KMT2A: variants seen among roughly 807,000 people sequenced by gnomAD.
The protein encoded by KMT2A is lysine methyltransferase 2A.
In KMT2A, 16 loss-of-function variants were observed where a neutral mutation model predicts 345.3. The ratio of observed to expected loss-of-function variants is 0.05; its 90% CI spans 0.03 to 0.07. KMT2A has a LOEUF of 0.07. Ranked by LOEUF, KMT2A falls within the 10% of genes least tolerant of loss-of-function variation. KMT2A has a pLI of 1.00. For missense variants in KMT2A, 3,272 were observed against 4,841.6 expected (o/e 0.68, Z 9.62); for synonymous variants, 1,599 against 1,778.6 (o/e 0.90, Z 2.54).
At position 118,498,622 on chromosome 11, in the gene KMT2A, T is replaced by C. The variant is rs1467867390; in HGVS notation, c.5961+94T>C. The C allele has an allele frequency of 7.9e-7, 1 of 1,268,404 alleles. No individual in the cohort carries two copies. The highest frequency in any genetic ancestry group is 1.5e-5 in the African/African-American group (1 of 66,872). 78.6% of individuals were successfully genotyped at this position (1,268,404 alleles called of 1,614,324 possible). On this transcript the variant is annotated intron_variant, in intron 22 of 35. Transcript: ENST00000534358. This position sits in a 1 kb window ranked among gnomAD's most constrained non-coding sequence, Gnocchi z 4.4. ...AAAATTGACTGGAAGGTACAGAGAT[T>C]TCCCATATGCCCCCTGCACCCACAT...
chr11:118,477,463 T>C lies in KMT2A; in HGVS notation c.3334+481T>C, dbSNP rs1445245732. Among the ~76,000 whole-genome samples, 4 of 150,132 alleles carry C rather than the reference T, an allele frequency of 2.7e-5. 1 individual carries two copies. Among genetic ancestry groups the C allele is most frequent in the African/African-American group, 9.8e-5 (4 of 40,892 alleles). On this transcript the variant is annotated intron_variant, in intron 4 of 35. Coordinates refer to ENST00000534358, the MANE Select transcript of KMT2A (RefSeq NM_001197104.2). ...AGATTAGACTTTTGTTTTCAGTATT[T>C]GGAATTTTGCTTTCATCAAGATGCA...
Position 118,503,613 on chromosome 11 carries a change from C to T in KMT2A, c.7721C>T (p.Ala2574Val), listed in dbSNP as rs2134393938. Residue 2574 changes from alanine to valine, a missense_variant, in exon 27 of 36, where the codon GCC (alanine) becomes GTC (valine). Coordinates refer to ENST00000534358, the MANE Select transcript of KMT2A (RefSeq NM_001197104.2). The surrounding 1 kb of genome is among the most constrained non-coding windows in gnomAD (Gnocchi z 5.3). ...ASENPGDGPV[A>V]QPSPNNTSCQ... ...GAAAATCCAGGAGATGGTCCAGTGG[C>T]CCAACCAAGCCCCAATAATACCTCA... is the stretch of plus-strand genomic sequence containing the variant. 6.2e-7 allele frequency: 1 copy of T among 1,614,166 alleles called. No individual in the cohort carries two copies. Among genetic ancestry groups the T allele is most frequent in the Non-Finnish European group, 8.5e-7 (1 of 1,180,016 alleles).
At chr11:118,467,550 G>A (rs1278707007) in intron 1 of KMT2A, among the ~76,000 whole-genome samples, 1 of 152,124 alleles carries the variant, frequency 6.6e-6, no homozygotes, top group African/African-American at 2.4e-5. Context: ...GGCCTTAAAT[G>A]TTTTGCTCCT....
chr11:118,438,676 G>T (rs1353346662), intron 1 of KMT2A, among the ~76,000 whole-genome samples: 1 of 152,174 alleles, frequency 6.6e-6, no homozygotes, highest in Non-Finnish European at 1.5e-5. Context: ...ATCCTGGGAA[G>T]AAGGGGAGGG....
chr11:118,457,935 G>A (rs1243782188), intron 1 of KMT2A, among the ~76,000 whole-genome samples: 1 of 152,004 alleles, frequency 6.6e-6, no homozygotes, highest in Non-Finnish European at 1.5e-5. Context: ...GACAGAAGCT[G>A]TCCTTTATCT....
At chr11:118,443,958 A>T (rs1216260252) in intron 1 of KMT2A, among the ~76,000 whole-genome samples, 1 of 152,190 alleles carries the variant, frequency 6.6e-6, no homozygotes, top group East Asian at 1.9e-4. Flanking sequence ...AAAGATATGA[A>T]TCTTTCTAAC....
In KMT2A at chr11:118,466,838, C is replaced by A. The variant is rs782551459; in HGVS notation, c.433-1937C>A. ...AAAACAAAACAAAAACAACAAAAAA[C>A]CAACAAAAAAAGAACTTACGTGTAA... On this transcript the variant is annotated intron_variant, in intron 1 of 35. Transcript: ENST00000534358. 6.6e-5 allele frequency among the ~76,000 whole-genome samples: 10 copies of A among 151,530 alleles called. 1 individual carries two copies. Among genetic ancestry groups the A allele is most frequent in the South Asian group, 4.2e-4 (2 of 4,806 alleles).
chr11:118,525,105 A>G lies in KMT2A; in HGVS notation c.*2933A>G, dbSNP rs1405098795. ...TTCCCTACAAGAGGGAAAGAAGGCA[A>G]AAACGGCACAGCTATCTCCAAACAC... On this transcript the variant is annotated 3_prime_UTR_variant, in exon 36 of 36. Transcript: ENST00000534358. 9.4e-5 allele frequency: 21 copies of G among 223,014 alleles called. No homozygotes were observed. The highest frequency in any genetic ancestry group is 2.2e-4 in the African/African-American group (10 of 44,732). 13.8% of individuals were successfully genotyped at this position (223,014 alleles called of 1,614,324 possible). A position where few individuals can be genotyped will look rare whatever the true frequency, so the allele number is the denominator to read the frequency against.
intron 31 of KMT2A, among the ~76,000 whole-genome samples, chr11:118,513,778 A>T (rs1469040707): frequency 2.0e-5 from 3 of 151,604 alleles, no homozygotes; most frequent in East Asian, 3.9e-4. Flanking sequence ...ATAAAAAAAA[A>T]TTGTTTAAAT....
chr11:118,439,637 A>G (rs1188164319), intron 1 of KMT2A, among the ~76,000 whole-genome samples: 1 of 152,270 alleles, frequency 6.6e-6, no homozygotes, highest in Admixed American at 6.5e-5. Context: ...ACACTAGTAT[A>G]TAATGTAAAG....
intron 1 of KMT2A, among the ~76,000 whole-genome samples, chr11:118,443,981 T>G (rs782149629): frequency 6.6e-6 from 1 of 152,340 alleles, no homozygotes. Context: ...TCATACTGTT[T>G]TAGAGAGATC....
Position 118,494,260 on chromosome 11 carries a change from ATAAT to A in KMT2A, c.5179-24_5179-21del, listed in dbSNP as rs1395595613. On this transcript the variant is annotated intron_variant, in intron 16 of 35. Transcript: ENST00000534358. The surrounding 1 kb of genome is among the most constrained non-coding windows in gnomAD (Gnocchi z 5.8). The stretch of plus-strand genomic sequence containing the variant: ...GTTTTCAGAGCACACTGTTTTAAGA[ATAAT>A]TAACATTTTGTTTTTGTATACAGTT... 1 of 1,159,536 alleles carries A rather than the reference ATAAT, an allele frequency of 8.6e-7. No individual in the cohort carries two copies. The highest frequency in any genetic ancestry group is 1.3e-6 in the Non-Finnish European group (1 of 766,884). The allele number at this position is 1,159,536 out of a possible 1,614,324, so 71.8% of individuals were successfully genotyped here. A position where few individuals can be genotyped will look rare whatever the true frequency, so the allele number is the denominator to read the frequency against.
At chr11:118,488,571 A>G (rs781835226) in intron 10 of KMT2A, 43 bp from the exon 11 acceptor site, 2 of 1,603,378 alleles carry the variant, frequency 1.2e-6, no homozygotes, top group Non-Finnish European at 8.5e-7. Flanking sequence ...GTTTTTCTAC[A>G]TATTATTTGA....
At position 118,442,043 on chromosome 11, in the gene KMT2A, G is replaced by A. The variant is rs189572278; in HGVS notation, c.432+5099G>A. 1.1e-4 allele frequency among the ~76,000 whole-genome samples: 17 copies of A among 152,274 alleles called. No homozygotes were observed. The East Asian group carries it at 2.3e-3, about 21-fold the overall frequency. On this transcript the variant is annotated intron_variant, in intron 1 of 35. Transcript: ENST00000534358. ...CAGTGCCTCTCTCTTTTGGAAACTC[G>A]CTGTGTTTTAATTGTAGGTCTCCTA...
intron 1 of KMT2A, among the ~76,000 whole-genome samples, chr11:118,444,043 A>G (rs1404341470): frequency 6.6e-6 from 1 of 152,194 alleles, no homozygotes; most frequent in Non-Finnish European, 1.5e-5. Context: ...TTCTTATTTT[A>G]CAGCATCAAG....
intron 1 of KMT2A, among the ~76,000 whole-genome samples, chr11:118,454,106 G>GTC (rs1949594850): frequency 6.6e-6 from 1 of 152,088 alleles, no homozygotes; most frequent in Non-Finnish European, 1.5e-5. Context: ...TCCCATTATA[G>GTC]TCTCTTGGTT....
At position 118,476,062 on chromosome 11, in the gene KMT2A, C is replaced by T. The variant is rs556318781; in HGVS notation, c.3157-743C>T. On this transcript the variant is annotated intron_variant, in intron 3 of 35. Transcript: ENST00000534358. This position sits in a 1 kb window ranked among gnomAD's most constrained non-coding sequence, Gnocchi z 4.1. ...CTGGGATTACGGGCATGCACCACCA[C>T]GCCCAGCTAATTTTGTATTTTTAGT... Among the ~76,000 whole-genome samples, 245 of 152,162 alleles carry T rather than the reference C, an allele frequency of 1.6e-3. 1 individual carries two copies. Among genetic ancestry groups the T allele is most frequent in the Non-Finnish European group, 2.4e-3 (166 of 67,980 alleles).
chr11:118,506,891 G>T (rs1950594690), intron 27 of KMT2A, among the ~76,000 whole-genome samples: 4 of 152,184 alleles, frequency 2.6e-5, no homozygotes, highest in Non-Finnish European at 5.9e-5. Flanking sequence ...ATTTCAAACA[G>T]TGTTGCTGTT....
intron 29 of KMT2A, 118 bp downstream of exon 29, chr11:118,509,318 A>C: frequency 1.2e-6 from 1 of 833,466 alleles, no homozygotes; most frequent in Non-Finnish European, 1.9e-6. Flanking sequence ...AGCTCCAAAG[A>C]AGTTAAGTGA....
Sources: gnomAD v4.1 joint callset for allele counts (sites outside exome capture counted in the v4.1 genomes callset) on GRCh38, gnomAD v4.1.1 for gene constraint, Gnocchi (gnomAD v3.1) non-coding constraint, MANE v1.5 for transcripts, NCBI Gene and HGNC (gene_info 2026-07-23, HGNC 2026-07-21) for gene names.